Variants in SCYL1 observed in about 807,000 individuals in gnomAD.
SCYL1 encodes the protein SCY1 like pseudokinase 1, also known as N-terminal kinase-like protein.
Under a neutral mutation model 94.8 loss-of-function variants are expected in SCYL1, and 85 were observed. That is an observed-to-expected ratio of 0.90 (90% CI 0.75 to 1.07). The LOEUF is 1.07. SCYL1 is among the 50% of genes least tolerant of loss of function. The pLI is 0.00. For synonymous variants in SCYL1, 459 were observed against 435.5 expected, an observed-to-expected ratio of 1.05 and a Z score of -0.67; for missense variants, 968 against 1,083.3, an observed-to-expected ratio of 0.89 and a Z score of 1.49.
rs1855764503 is a variant in SCYL1, at chr11:65,537,810, A to G, written c.1961A>G (p.Gln654Arg). The change falls in exon 15 of 18, where the codon CAG becomes CGG. Residue 654 changes from glutamine (Q) to arginine (R), a missense_variant and splice_region_variant. Gln to Arg is a conservative substitution (Grantham distance 43). This residue lies in a region of SCYL1 where 474 missense variants were observed against 463.6 expected (regional missense o/e 1.02). Coordinates refer to ENST00000270176, the MANE Select transcript of SCYL1 (RefSeq NM_020680.4). ...CAGTGGTCCCTTCCCACACTGCAGCAGGAGGCCGAGTCTGTGCTGGCCCAG... is the reference window on the plus strand; with the variant it reads ...CAGTGGTCCCTTCCCACACTGCAGCGGGAGGCCGAGTCTGTGCTGGCCCAG... ...WDDEDWGSLE[Q>R]EAESVLAQQD... is the part of the protein sequence containing the mutation. 1.3e-6 allele frequency: 2 copies of G among 1,559,772 alleles called. No homozygotes were observed. Among genetic ancestry groups the G allele is most frequent in the Non-Finnish European group, 1.7e-6 (2 of 1,151,574 alleles).
rs1855084362 is a variant in SCYL1 at position 65,526,440 on chromosome 11, T to G, written c.602+90T>G. 5.9e-6 allele frequency: 6 copies of G among 1,020,068 alleles called. No homozygotes were observed. The highest frequency in any genetic ancestry group is 8.6e-6 in the Non-Finnish European group (6 of 700,486). The allele number at this position is 1,020,068 out of a possible 1,614,324, so 63.2% of individuals were successfully genotyped here. ...TCCTAGACTAGTTGGCACTCCCCTG[T>G]TCCCTGCTGCCTGGCTGGGGAGGGA... On this transcript the variant is annotated intron_variant, in intron 4 of 17. Coordinates refer to ENST00000270176, the MANE Select transcript of SCYL1 (RefSeq NM_020680.4). This position sits in a 1 kb window ranked among gnomAD's most constrained non-coding sequence, Gnocchi z 4.1.
intron 6 of SCYL1, among the ~76,000 whole-genome samples, chr11:65,528,360 T>C (rs563560681): frequency 2.7e-4 from 41 of 152,284 alleles, no homozygotes; most frequent in African/African-American, 9.4e-4. Context: ...GAAAATCGCT[T>C]GAACCTGGGA....
chr11:65,527,467 G>T (rs775597746), intron 6 of SCYL1, among the ~76,000 whole-genome samples: 1 of 152,094 alleles, frequency 6.6e-6, no homozygotes, highest in Non-Finnish European at 1.5e-5. Flanking sequence ...AGCCAGGCGC[G>T]GTGGCTCATG....
chr11:65,536,224 C>T (rs1483063063), intron 11 of SCYL1, 35 bp from the exon 12 acceptor site: 1 of 1,608,916 alleles, frequency 6.2e-7, no homozygotes, highest in Admixed American at 1.7e-5. Flanking sequence ...TCTTGGGAAC[C>T]CCAGAGACCC....
chr11:65,537,683 G>A, intron 14 of SCYL1, 126 bp from the exon 15 acceptor site: 1 of 771,014 alleles, frequency 1.3e-6, no homozygotes, highest in Non-Finnish European at 2.1e-6. Context: ...GGGAAACAGG[G>A]CCTGAGGAGC....
rs771319241 is a variant in SCYL1, at chr11:65,536,642, G to T, written c.1708G>T (p.Ala570Ser). Residue 570 changes from alanine to serine, a missense_variant, in exon 13 of 18, where the codon GCA (alanine) becomes TCA (serine). By Grantham distance (99) the Ala-to-Ser change is moderately conservative (BLOSUM62 1). This residue lies in a region of SCYL1 where 474 missense variants were observed against 463.6 expected (regional missense o/e 1.02). Transcript: ENST00000270176. ...CATGGGAGGAGCCGCAGCTAGCTGGGCAGGCTGGGCCGTGACCGGGGTCTC... is the reference window on the plus strand; with the variant it reads ...CATGGGAGGAGCCGCAGCTAGCTGGTCAGGCTGGGCCGTGACCGGGGTCTC... ...PGMGGAAASW[A>S]GWAVTGVSSL... is the part of the protein sequence containing the mutation. 3 of 1,614,098 alleles carry T rather than the reference G, an allele frequency of 1.9e-6. No individual in the cohort carries two copies. In the South Asian group the frequency reaches 3.3e-5, roughly 18 times the overall value.
rs1224180288 is a variant in SCYL1, at chr11:65,530,699, A to T, written c.920A>T (p.Asp307Val). ...AAGAGCCTGGACGCATTCCCTGAGGATTTCTGTCGGCACAAGGTGCTGCCC... is the reference window on the plus strand; with the variant it reads ...AAGAGCCTGGACGCATTCCCTGAGGTTTTCTGTCGGCACAAGGTGCTGCCC... ...LSKSLDAFPE[D>V]FCRHKVLPQL... Residue 307 changes from aspartate (D) to valine (V), a missense_variant, in exon 7 of 18, where the codon GAT becomes GTT. Transcript: ENST00000270176. 3.1e-6 allele frequency: 5 copies of T among 1,613,978 alleles called. No individual in the cohort carries two copies. The highest frequency in any genetic ancestry group is 3.4e-6 in the Non-Finnish European group (4 of 1,180,008).
Position 65,526,845 on chromosome 11 carries a change from G to C in SCYL1, c.665G>C (p.Arg222Pro). ...GAAGTCTTCAATGGGCCCCTACCTC[G>C]GGCAGCAGCCCTACGCAACCCTGGG... ...IWEVFNGPLP[R>P]AAALRNPGKI... The change falls in exon 5 of 18, where the codon CGG becomes CCG. Residue 222 changes from arginine (R) to proline (P), a missense_variant. Arg to Pro is a moderately radical substitution (Grantham distance 103). This residue lies in a region of SCYL1 where 494 missense variants were observed against 619.7 expected (regional missense o/e 0.80). Transcript: ENST00000270176. This position sits in a 1 kb window ranked among gnomAD's most constrained non-coding sequence, Gnocchi z 4.1. The C allele has an allele frequency of 1.2e-6, 2 of 1,613,354 alleles. No individual in the cohort carries two copies. Among genetic ancestry groups the C allele is most frequent in the Non-Finnish European group, 1.7e-6 (2 of 1,179,970 alleles).
In SCYL1 at chr11:65,531,569, CT is replaced by C; in HGVS notation, c.1009-4del. ...GAGCAGCTGAACCCATCTTCCTGCC[CT>C]TTCAGGTGGGCAAGTTCCTGAGCGC... On this transcript the variant is annotated splice_polypyrimidine_tract_variant and splice_region_variant and intron_variant, in intron 7 of 17. Coordinates refer to ENST00000270176, the MANE Select transcript of SCYL1 (RefSeq NM_020680.4). 1 of 1,610,670 alleles carries C rather than the reference CT, an allele frequency of 6.2e-7. No individual in the cohort carries two copies. The highest frequency in any genetic ancestry group is 8.5e-7 in the Non-Finnish European group (1 of 1,176,902).
chr11:65,530,598 T>TC, intron 6 of SCYL1, 31 bp from the exon 7 acceptor site: 4 of 1,596,612 alleles, frequency 2.5e-6, no homozygotes, highest in Non-Finnish European at 3.4e-6. Flanking sequence ...CAGGCTGATC[T>TC]CTTCCCCGGG....
At position 65,535,382 on chromosome 11, in the gene SCYL1, C is replaced by A; in HGVS notation, c.1386C>A (p.Ser462Arg). Reference sequence around the variant, plus strand: ...AAATCGGCTCCTACCTCAGTGCTAGCGTGAGTGTCCTGCACAACTGCTGGA... The same window carrying A: ...AAATCGGCTCCTACCTCAGTGCTAGAGTGAGTGTCCTGCACAACTGCTGGA... ...LGKIGSYLSA[S>R]TRHRVLTSAF... is the part of the protein sequence containing the mutation. Residue 462 changes from serine (S) to arginine (R), a missense_variant and splice_region_variant, in exon 10 of 18, where the codon AGC (serine) becomes AGA (arginine). By Grantham distance (110) the Ser-to-Arg change is moderately radical (BLOSUM62 -1). Transcript: ENST00000270176. 3 of 1,613,712 alleles carry A rather than the reference C, an allele frequency of 1.9e-6. No individual in the cohort carries two copies. Among genetic ancestry groups the A allele is most frequent in the Non-Finnish European group, 2.5e-6 (3 of 1,179,622 alleles).
chr11:65,529,289 A>C (rs151286571), intron 6 of SCYL1, among the ~76,000 whole-genome samples: 141 of 152,308 alleles, frequency 9.3e-4, no homozygotes, highest in Non-Finnish European at 1.7e-3. Context: ...GTGTCGGGGC[A>C]GCAGGAACTT....
chr11:65,532,718 C>T lies in SCYL1; in HGVS notation c.1143C>T (p.Asp381=), dbSNP rs746712837. ...QQMEQFIQYL[D]EPTVNTQIFP... ...TGGAGCAGTTCATCCAGTACCTTGACGAGCCAACAGTCAACACCCAGATCT... is the reference window on the plus strand; with the variant it reads ...TGGAGCAGTTCATCCAGTACCTTGATGAGCCAACAGTCAACACCCAGATCT... The change falls in exon 9 of 18, where the codon GAC becomes GAT. Residue 381 remains aspartate (D), a synonymous_variant. Coordinates refer to ENST00000270176, the MANE Select transcript of SCYL1 (RefSeq NM_020680.4). 1.6e-5 allele frequency: 26 copies of T among 1,613,944 alleles called. No individual in the cohort carries two copies. In the East Asian group the frequency reaches 2.2e-4, roughly 14 times the overall value.
chr11:65,536,382 CTG>C, intron 12 of SCYL1, 48 bp downstream of exon 12: 2 of 1,589,510 alleles, frequency 1.3e-6, no homozygotes, highest in Non-Finnish European at 8.6e-7. Flanking sequence ...ATGTCCTTGA[CTG>C]TGACCTGTTT....
At chr11:65,525,802 A>G (rs1043453951) in intron 2 of SCYL1, 88 bp downstream of exon 2, 9 of 1,583,866 alleles carry the variant, frequency 5.7e-6, no homozygotes, top group African/African-American at 1.3e-5. Context: ...TTTCCACCCT[A>G]TGTGCCCCAG....
At chr11:65,535,909 C>A in intron 10 of SCYL1, 44 bp from the exon 11 acceptor site, 2 of 1,510,346 alleles carry the variant, frequency 1.3e-6, no homozygotes, top group Non-Finnish European at 1.8e-6. Flanking sequence ...TGGGTCCCAA[C>A]ATTGACCCTA....
rs774497081 is a variant in SCYL1 at position 65,536,752 on chromosome 11, T to A, written c.1816+2T>A. 1.3e-6 allele frequency: 2 copies of A among 1,596,130 alleles called. No individual in the cohort carries two copies. The highest frequency in any genetic ancestry group is 8.6e-7 in the Non-Finnish European group (1 of 1,167,410). ...TTCCCCAAAGACCCACGCCTGAAGG[T>A]GAGTGTCCTGGCCTAGCTGCATCAG... On this transcript the variant is annotated splice_donor_variant, in intron 13 of 17. Coordinates refer to ENST00000270176, the MANE Select transcript of SCYL1 (RefSeq NM_020680.4). LOFTEE classifies it high-confidence loss of function.
intron 8 of SCYL1, among the ~76,000 whole-genome samples, chr11:65,532,021 C>T (rs145740585): frequency 1.4e-4 from 21 of 152,172 alleles, no homozygotes; most frequent in African/African-American, 5.1e-4. Flanking sequence ...CTAGGAAGTA[C>T]CAGTGGCTCC....
At position 65,538,018 on chromosome 11, in the gene SCYL1, A is replaced by T; in HGVS notation, c.2083A>T (p.Ser695Cys). 6.2e-7 allele frequency: 1 copy of T among 1,612,964 alleles called. No individual in the cohort carries two copies. ...CAAATCCCCAGAGTCCGACTGGAGC[A>T]GCTGGGAAGCTGAGGGCTCCTGGGA... ...SSKSPESDWSSWEAEGSWEQG... is the reference protein window; with the variant it reads ...SSKSPESDWSCWEAEGSWEQG... Residue 695 changes from serine to cysteine, a missense_variant, in exon 16 of 18, where the codon AGC becomes TGC. By Grantham distance (112) the Ser-to-Cys change is moderately radical (BLOSUM62 -1). Around this residue, in one of 2 missense-constraint regions of SCYL1, gnomAD observed 474 missense variants for 463.6 expected, o/e 1.02. Coordinates refer to ENST00000270176, the MANE Select transcript of SCYL1 (RefSeq NM_020680.4).
Sources: gnomAD v4.1 joint callset for allele counts (sites outside exome capture counted in the v4.1 genomes callset) on GRCh38, gnomAD v4.1.1 for gene constraint, gnomAD v4.1.1 regional missense constraint, Gnocchi (gnomAD v3.1) non-coding constraint, MANE v1.5 for transcripts, NCBI Gene and HGNC (gene_info 2026-07-23, HGNC 2026-07-21) for gene names.